Variants in DPYD observed in about 807,000 individuals in gnomAD.
DPYD encodes dihydropyrimidine dehydrogenase, also known as dihydropyrimidine dehydrogenase [NADP(+)].
Under a neutral mutation model 116.2 loss-of-function variants are expected in DPYD, and 109 were observed. The observed-to-expected ratio is 0.94, with a 90% CI of 0.80 to 1.10. The LOEUF is 1.10. Ranked by LOEUF, DPYD falls within the 50% of genes least tolerant of loss-of-function variation. DPYD has a pLI of 0.00. For missense variants in DPYD, 1,302 were observed against 1,254.5 expected, an observed-to-expected ratio of 1.04 and a Z score of -0.57; for synonymous variants, 440 against 432.0, an observed-to-expected ratio of 1.02 and a Z score of -0.23.
At chr1:97,499,257 T>C (rs1679442798) in intron 13 of DPYD, among the ~76,000 whole-genome samples, 1 of 151,838 alleles carries the variant, frequency 6.6e-6, no homozygotes. Context: ...ATTTTTCTGC[T>C]ATCTTGAATA....
chr1:97,189,863 G>A (rs1658241156), intron 20 of DPYD, among the ~76,000 whole-genome samples: 1 of 152,144 alleles, frequency 6.6e-6, no homozygotes, highest in Non-Finnish European at 1.5e-5. Context: ...TTAATCTGAT[G>A]TTCTCTGAGA....
At chr1:97,479,708 T>C (rs989904293) in intron 13 of DPYD, among the ~76,000 whole-genome samples, 5 of 152,166 alleles carry the variant, frequency 3.3e-5, no homozygotes, top group African/African-American at 1.2e-4. Flanking sequence ...AAAAAATACA[T>C]GTGAAGTGCA....
chr1:97,113,869 C>T (rs1032734940), intron 20 of DPYD, among the ~76,000 whole-genome samples: 3 of 151,958 alleles, frequency 2.0e-5, no homozygotes, highest in African/African-American at 4.8e-5. Context: ...AATTGTAAGA[C>T]AAACTGATTC....
chr1:97,864,068 A>G (rs1162128128), intron 2 of DPYD, among the ~76,000 whole-genome samples: 1 of 152,024 alleles, frequency 6.6e-6, no homozygotes, highest in African/African-American at 2.4e-5. Context: ...ATATTAATAC[A>G]ATATAAGTAA....
intron 3 of DPYD, among the ~76,000 whole-genome samples, chr1:97,818,799 T>C (rs1321676092): frequency 2.0e-5 from 3 of 151,988 alleles, no homozygotes; most frequent in Non-Finnish European, 2.9e-5. Context: ...TAAAGACATA[T>C]ACACACATTC....
chr1:97,516,220 G>T (rs968784456), intron 12 of DPYD, among the ~76,000 whole-genome samples: 3 of 151,848 alleles, frequency 2.0e-5, no homozygotes, highest in Non-Finnish European at 4.4e-5. Flanking sequence ...AAATACAAAA[G>T]GGAATAATTT....
chr1:97,431,311 G>C (rs1675166325), intron 14 of DPYD, among the ~76,000 whole-genome samples: 1 of 152,054 alleles, frequency 6.6e-6, no homozygotes. Flanking sequence ...GAATATTATT[G>C]AGGCACTAAA....
intron 16 of DPYD, among the ~76,000 whole-genome samples, chr1:97,348,832 A>T (rs931813083): frequency 2.2e-5 from 3 of 135,866 alleles, no homozygotes; most frequent in African/African-American, 8.7e-5. Flanking sequence ...AGAAGGTATG[A>T]AGGGGAATAT....
chr1:97,319,605 A>G (rs796823094), intron 16 of DPYD, among the ~76,000 whole-genome samples: 5,018 of 132,338 alleles, frequency 0.038, 127 homozygotes, highest in Middle Eastern at 0.11. Flanking sequence ...TTACCAACCA[A>G]AAAGAGTCCA....
Position 97,885,503 on chromosome 1 carries a change from A to C in DPYD, c.40-2129T>G, listed in dbSNP as rs116583505. Among the ~76,000 whole-genome samples the C allele has an allele frequency of 2.0e-5, 3 of 152,234 alleles. No homozygotes were observed. In the South Asian group the frequency reaches 6.2e-4, roughly 32 times the overall value. ...ACTTTCTAAAATAAATGTTATACTT[A>C]GTATTCTTAGACAAGAATAAAATCA... On this transcript the variant is annotated intron_variant, in intron 1 of 22. Transcript: ENST00000370192.
intron 19 of DPYD, among the ~76,000 whole-genome samples, chr1:97,228,246 A>AT: frequency 6.6e-6 from 1 of 152,112 alleles, no homozygotes; most frequent in South Asian, 2.1e-4. Context: ...GAATGAATGA[A>AT]TTATTCTCTG....
chr1:97,406,183 T>G (rs1355721509), intron 14 of DPYD, among the ~76,000 whole-genome samples: 1 of 151,974 alleles, frequency 6.6e-6, no homozygotes, highest in African/African-American at 2.4e-5. Context: ...TATATTTGCC[T>G]GTCTATCTCT....
At chr1:97,682,611 G>A (rs900254428) in intron 7 of DPYD, among the ~76,000 whole-genome samples, 5 of 152,104 alleles carry the variant, frequency 3.3e-5, no homozygotes, top group Non-Finnish European at 7.4e-5. Flanking sequence ...AACTGGAATT[G>A]CAAGACAACT....
chr1:97,084,879 G>A (rs1390772160), intron 21 of DPYD, among the ~76,000 whole-genome samples: 1 of 152,014 alleles, frequency 6.6e-6, no homozygotes, highest in African/African-American at 2.4e-5. Flanking sequence ...TCCTGTTTCT[G>A]GAGATCATTG....
intron 13 of DPYD, among the ~76,000 whole-genome samples, chr1:97,508,614 C>CT (rs1429258414): frequency 2.0e-5 from 3 of 152,136 alleles, no homozygotes; most frequent in Non-Finnish European, 2.9e-5. Context: ...AGGCTGAACT[C>CT]TAAGTCTCTG....
intron 8 of DPYD, among the ~76,000 whole-genome samples, chr1:97,665,944 C>T (rs2100880965): frequency 6.6e-6 from 1 of 152,088 alleles, no homozygotes; most frequent in East Asian, 1.9e-4. Context: ...AATCCAGAGG[C>T]AGAACAATAA....
intron 19 of DPYD, among the ~76,000 whole-genome samples, chr1:97,209,406 C>G (rs1010649536): frequency 6.6e-6 from 1 of 151,996 alleles, no homozygotes; most frequent in Non-Finnish European, 1.5e-5. Flanking sequence ...TTTTTAAACT[C>G]CCTCCAGATT....
chr1:97,806,301 T>C (rs1053354779), intron 3 of DPYD, among the ~76,000 whole-genome samples: 1 of 151,858 alleles, frequency 6.6e-6, no homozygotes, highest in African/African-American at 2.4e-5. Context: ...TTGTTTCACA[T>C]CTTCACCAAA....
In DPYD at chr1:97,121,576, G is replaced by A. The variant is rs1332516284; in HGVS notation, c.2623-22944C>T. On this transcript the variant is annotated intron_variant, in intron 20 of 22. Transcript: ENST00000370192. ...CTGGCCAGTTGTTTCTTGGGTGCAG[G>A]AATGGCTGCATTATATAGGTTGATG... Among the ~76,000 whole-genome samples, 5 of 152,200 alleles carry A rather than the reference G, an allele frequency of 3.3e-5. No individual in the cohort carries two copies. In the East Asian group the frequency reaches 7.7e-4, roughly 24 times the overall value.
Sources: allele counts gnomAD v4.1 joint callset (sites outside exome capture counted in the v4.1 genomes callset), GRCh38; gene constraint gnomAD v4.1.1; transcripts MANE v1.5; gene names NCBI Gene and HGNC (gene_info 2026-07-23, HGNC 2026-07-21).